The following BRINP2 variants were observed in gnomAD, a reference collection of about 807,000 sequenced individuals.
BRINP2 encodes BMP/retinoic acid inducible neural specific 2.
A neutral mutation model predicts 69.2 loss-of-function variants in BRINP2; 21 were observed. That is an observed-to-expected ratio of 0.30 (90% CI 0.22 to 0.44). The LOEUF (loss-of-function observed/expected upper bound fraction) is 0.44. Ranked by LOEUF, BRINP2 falls within the 20% of genes least tolerant of loss-of-function variation. The pLI, the probability that BRINP2 is intolerant of heterozygous loss-of-function variation, is 1.00. For missense variants in BRINP2, 877 were observed against 986.0 expected, an observed-to-expected ratio of 0.89 and a Z score of 1.48; for synonymous variants, 380 against 394.1, an observed-to-expected ratio of 0.96 and a Z score of 0.42.
At chr1:177,200,685 C>G (rs971309142) in intron 1 of BRINP2, among the ~76,000 whole-genome samples, 4 of 152,134 alleles carry the variant, frequency 2.6e-5, no homozygotes, top group Non-Finnish European at 5.9e-5. Context: ...GCAGCACACC[C>G]CGTCTCTCCT....
chr1:177,279,772 C>T lies in BRINP2; in HGVS notation c.1236-640C>T, dbSNP rs975728566. Among the ~76,000 whole-genome samples, 12 of 152,144 alleles carry T rather than the reference C, an allele frequency of 7.9e-5. 1 individual carries two copies. Among genetic ancestry groups the T allele is most frequent in the Admixed American group, 7.2e-4 (11 of 15,286 alleles). Reference sequence around the variant, plus strand: ...TCATGGTATTTACTAACAGGGAAGCCGTTTATAAACAAGTAAACAATAAAT... The same window carrying T: ...TCATGGTATTTACTAACAGGGAAGCTGTTTATAAACAAGTAAACAATAAAT... On this transcript the variant is annotated intron_variant, in intron 7 of 7. Transcript: ENST00000361539.
intron 1 of BRINP2, among the ~76,000 whole-genome samples, chr1:177,171,985 T>A (rs1019515067): frequency 1.3e-5 from 2 of 152,212 alleles, no homozygotes; most frequent in Non-Finnish European, 2.9e-5. Flanking sequence ...TTGGGCTCCC[T>A]GCCTGACCTA....
intron 2 of BRINP2, among the ~76,000 whole-genome samples, chr1:177,233,781 C>G (rs545004749): frequency 1.3e-5 from 2 of 152,290 alleles, no homozygotes; most frequent in African/African-American, 4.8e-5. Flanking sequence ...GCCCTTGTGT[C>G]TAAAGTTAAG....
chr1:177,256,273 A>G (rs1276290943), intron 3 of BRINP2, 164 bp downstream of exon 3: 9 of 977,608 alleles, frequency 9.2e-6, no homozygotes, highest in Admixed American at 6.2e-5. Context: ...TGACATCTCA[A>G]TTTACCCCAG....
At position 177,281,646 on chromosome 1, in the gene BRINP2, A is replaced by G. The variant is rs1651706239; in HGVS notation, c.*118A>G. The G allele has an allele frequency of 1.5e-6, 2 of 1,358,744 alleles. No individual in the cohort carries two copies. The highest frequency in any genetic ancestry group is 2.0e-6 in the Non-Finnish European group (2 of 1,007,274). The allele number at this position is 1,358,744 out of a possible 1,614,324, so 84.2% of individuals were successfully genotyped here. A position where few individuals can be genotyped will look rare whatever the true frequency, so the allele number is the denominator to read the frequency against. On this transcript the variant is annotated 3_prime_UTR_variant, in exon 8 of 8. Coordinates refer to ENST00000361539, the MANE Select transcript of BRINP2 (RefSeq NM_021165.4). ...TGCTCCCACGAGACTTTCAGCATCC[A>G]GTAGATGGGACCTCGAGGCTCGAGC...
chr1:177,263,781 T>G lies in BRINP2; in HGVS notation c.669+6397T>G, dbSNP rs557343286. 9.2e-5 allele frequency among the ~76,000 whole-genome samples: 14 copies of G among 152,286 alleles called. No individual in the cohort carries two copies. In the South Asian group the frequency reaches 2.7e-3, roughly 29 times the overall value. Reference sequence around the variant, plus strand: ...GGGTATATTTGAGAGACTAGTATCTTAGACAGTTTAAAATGATTTAAAAAC... The same window carrying G: ...GGGTATATTTGAGAGACTAGTATCTGAGACAGTTTAAAATGATTTAAAAAC... On this transcript the variant is annotated intron_variant, in intron 4 of 7. Transcript: ENST00000361539.
intron 1 of BRINP2, among the ~76,000 whole-genome samples, chr1:177,185,519 T>G (rs542884818): frequency 5.4e-4 from 82 of 152,224 alleles, no homozygotes; most frequent in Non-Finnish European, 9.7e-4. Flanking sequence ...GGAAAATCAC[T>G]AACCATGTGG....
chr1:177,278,772 C>G lies in BRINP2; in HGVS notation c.1222C>G (p.Leu408Val), dbSNP rs1311545672. 2 of 1,613,916 alleles carry G rather than the reference C, an allele frequency of 1.2e-6. No individual in the cohort carries two copies. The highest frequency in any genetic ancestry group is 3.3e-5 in the Admixed American group (2 of 60,004). Residue 408 changes from leucine (L) to valine (V), a missense_variant, in exon 7 of 8, where the codon CTG becomes GTG. By Grantham distance (32) the Leu-to-Val change is conservative (BLOSUM62 1). Around this residue, in one of 3 missense-constraint regions of BRINP2, gnomAD observed 566 missense variants for 625.2 expected, o/e 0.91. Coordinates refer to ENST00000361539, the MANE Select transcript of BRINP2 (RefSeq NM_021165.4). ...CTGCCATCGCCAGCCTCGCTTCCGC[C>G]TGCCCAAGGAGAGGTGAGCACCCCC... The part of the protein sequence containing the change: ...KRCHRQPRFR[L>V]PKERSLSYWW...
intron 1 of BRINP2, among the ~76,000 whole-genome samples, chr1:177,202,340 G>C (rs1000248586): frequency 3.3e-5 from 5 of 152,146 alleles, no homozygotes; most frequent in Non-Finnish European, 7.3e-5. Context: ...TGGGCATTTA[G>C]TGCTATAAAT....
chr1:177,269,135 C>T (rs577959552), intron 4 of BRINP2, among the ~76,000 whole-genome samples: 3 of 152,304 alleles, frequency 2.0e-5, no homozygotes, highest in South Asian at 2.1e-4. Context: ...TTGATGGTAA[C>T]CAAAGGGAGA....
intron 1 of BRINP2, among the ~76,000 whole-genome samples, chr1:177,224,319 C>T (rs1649630447): frequency 6.6e-6 from 1 of 152,174 alleles, no homozygotes; most frequent in African/African-American, 2.4e-5. Context: ...TATGAAATGT[C>T]ACTGCTCCAG....
At position 177,256,045 on chromosome 1, in the gene BRINP2, A is replaced by G. The variant is rs1421341601; in HGVS notation, c.396A>G (p.Gln132=). The change falls in exon 3 of 8, where the codon CAA becomes CAG. Residue 132 remains glutamine (Q), a synonymous_variant. Coordinates refer to ENST00000361539, the MANE Select transcript of BRINP2 (RefSeq NM_021165.4). The part of the protein sequence containing the change: ...IRLLGRRPNL[Q]QVTENLIKKY... The stretch of plus-strand genomic sequence containing the variant: ...TCCTTGGAAGGAGACCCAATCTGCA[A>G]CAGGTTACAGAAAATCTGATTAAAA... 6.2e-7 allele frequency: 1 copy of G among 1,614,238 alleles called. No homozygotes were observed. Among genetic ancestry groups the G allele is most frequent in the East Asian group, 2.2e-5 (1 of 44,884 alleles).
intron 1 of BRINP2, among the ~76,000 whole-genome samples, chr1:177,190,888 G>T (rs1265261637): frequency 6.6e-6 from 1 of 152,152 alleles, no homozygotes; most frequent in African/African-American, 2.4e-5. Context: ...TAGGGTTATG[G>T]TGAGGACTAA....
intron 1 of BRINP2, among the ~76,000 whole-genome samples, chr1:177,183,046 A>T (rs529569078): frequency 9.9e-5 from 14 of 141,134 alleles, no homozygotes; most frequent in Non-Finnish European, 1.8e-4. Context: ...TTTATTTATT[A>T]TTTAAAAGCA....
chr1:177,281,114 A>T lies in BRINP2; in HGVS notation c.1938A>T (p.Leu646=), dbSNP rs372209946. The T allele has an allele frequency of 6.2e-7, 1 of 1,614,220 alleles. No homozygotes were observed. The highest frequency in any genetic ancestry group is 1.3e-5 in the African/African-American group (1 of 75,048). ...TCTTTGAGACAGTTCATGTTTACCT[A>T]CGGAGCCGAATCAAGTCCCTGGATG... is the stretch of plus-strand genomic sequence containing the variant. The part of the protein sequence containing the change: ...KTFFETVHVY[L]RSRIKSLDDS... The change falls in exon 8 of 8, where the codon CTA becomes CTT. Residue 646 remains leucine, a synonymous_variant. Coordinates refer to ENST00000361539, the MANE Select transcript of BRINP2 (RefSeq NM_021165.4).
chr1:177,246,880 GATAGAAAT>G (rs1650404699), intron 2 of BRINP2, among the ~76,000 whole-genome samples: 1 of 152,200 alleles, frequency 6.6e-6, no homozygotes, highest in Non-Finnish European at 1.5e-5. Flanking sequence ...CTGTTGTTGA[GATAGAAAT>G]CTCCTGGTCA....
At chr1:177,210,060 T>G (rs1012598447) in intron 1 of BRINP2, among the ~76,000 whole-genome samples, 1 of 152,236 alleles carries the variant, frequency 6.6e-6, no homozygotes, top group Non-Finnish European at 1.5e-5. Flanking sequence ...CAGTGCGTAC[T>G]TTTATTATCA....
chr1:177,192,549 T>C (rs557183495), intron 1 of BRINP2, among the ~76,000 whole-genome samples: 6 of 152,300 alleles, frequency 3.9e-5, no homozygotes, highest in African/African-American at 1.4e-4. Context: ...TGTTGGTTTG[T>C]GGGAGGAAAT....
chr1:177,208,535 C>T (rs563646003), intron 1 of BRINP2, among the ~76,000 whole-genome samples: 31 of 152,176 alleles, frequency 2.0e-4, no homozygotes, highest in Non-Finnish European at 4.1e-4. Context: ...AGAAATGCAT[C>T]CCAGGTGCTG....
Sources: gnomAD v4.1 joint callset for allele counts (sites outside exome capture counted in the v4.1 genomes callset) on GRCh38, gnomAD v4.1.1 for gene constraint, gnomAD v4.1.1 regional missense constraint, MANE v1.5 for transcripts, NCBI Gene and HGNC (gene_info 2026-07-23, HGNC 2026-07-21) for gene names.